RBM41: variants seen among roughly 807,000 people sequenced by gnomAD.
RBM41 encodes RNA-binding protein 41.
RBM41 carries 14 observed loss-of-function variants against 30.8 expected under a neutral mutation model. The ratio of observed to expected loss-of-function variants is 0.45; its 90% confidence interval spans 0.30 to 0.71. The LOEUF (loss-of-function observed/expected upper bound fraction) is 0.71, where lower values mean the gene tolerates loss of function less well. Among genes scored for constraint, RBM41 ranks in the 30% least tolerant of loss-of-function variants. The pLI, the probability that RBM41 is intolerant of heterozygous loss-of-function variation, is 0.08. For synonymous variants in RBM41, 120 were observed against 110.1 expected (o/e 1.09, Z -0.56); for missense variants, 276 against 326.3 (o/e 0.85, Z 1.19).
chrX:107,057,286 T>TA (rs935323671), downstream of RBM41, among the ~76,000 whole-genome samples: 16 of 111,495 alleles, frequency 1.4e-4, no homozygotes, highest in Admixed American at 9.6e-4. Context: ...GTTCTTTATT[T>TA]AAAAAAAATA....
intron 3 of RBM41, 100 bp from the exon 4 acceptor site, chrX:107,115,656 A>T: frequency 2.2e-6 from 2 of 899,782 alleles, no homozygotes; most frequent in Non-Finnish European, 3.1e-6. Context: ...CCCAGAAATG[A>T]ATGTTTACAG....
Position 107,065,673 on chromosome X carries a change from C to T in RBM41, c.*1854G>A. 1 of 1,043,737 alleles carries T rather than the reference C, an allele frequency of 9.6e-7. No individual in the cohort carries two copies. 86.0% of individuals were successfully genotyped at this position (1,043,737 alleles called of 1,213,427 possible). The stretch of plus-strand genomic sequence containing the variant: ...AAACTTATTTCCTATTTCACGTTCT[C>T]TCCATTTGTTCCTGTGGATTTGTCT... On this transcript the variant is annotated 3_prime_UTR_variant, in exon 8 of 8. Coordinates refer to ENST00000685964, the MANE Select transcript of RBM41 (RefSeq NM_001324242.2).
intron 5 of RBM41, among the ~76,000 whole-genome samples, chrX:107,098,110 G>A (rs1290379977): frequency 8.9e-6 from 1 of 111,847 alleles, no homozygotes; most frequent in African/African-American, 3.3e-5. Context: ...CACAAAAGGT[G>A]AGAAGAAATA....
At chrX:107,106,568 A>G (rs1199899157) in intron 5 of RBM41, among the ~76,000 whole-genome samples, 4 of 111,551 alleles carry the variant, frequency 3.6e-5, no homozygotes, top group Non-Finnish European at 7.5e-5. Context: ...ACACATGCAC[A>G]TGTATGTTTA....
intron 6 of RBM41, among the ~76,000 whole-genome samples, chrX:107,087,453 A>G (rs182244797): frequency 9.5e-4 from 106 of 112,024 alleles, no homozygotes; most frequent in African/African-American, 3.2e-3. Context: ...TAAATTAGAC[A>G]CAACAAAGTA....
chrX:107,114,401 C>T (rs1924729529), intron 4 of RBM41: 1 of 111,919 alleles, frequency 8.9e-6, no homozygotes, highest in African/African-American at 3.2e-5. Context: ...TAACTGATAA[C>T]TAACTCTGTA....
Position 107,065,175 on chromosome X carries a change from T to A in RBM41, c.*2352A>T, listed in dbSNP as rs907235880. ...TCTTCTAAAGTGTGTCTCAAATAGA[T>A]GGCATGAAGTGGAATCAGACTTGTT... is the stretch of plus-strand genomic sequence containing the variant. On this transcript the variant is annotated 3_prime_UTR_variant, in exon 8 of 8. Transcript: ENST00000685964. The A allele has an allele frequency of 1.8e-5, 2 of 111,543 alleles. No individual in the cohort carries two copies. Among genetic ancestry groups the A allele is most frequent in the African/African-American group, 6.5e-5 (2 of 30,712 alleles). The allele number at this position is 111,543 out of a possible 1,213,427, so 9.2% of individuals were successfully genotyped here. A position where few individuals can be genotyped will look rare whatever the true frequency, so the allele number is the denominator to read the frequency against.
At position 107,116,017 on chromosome X, in the gene RBM41, T is replaced by A. The variant is rs2147770553; in HGVS notation, c.163A>T (p.Met55Leu). Residue 55 changes from methionine (M) to leucine (L), a missense_variant, in exon 3 of 8, where the codon ATG (methionine) becomes TTG (leucine). Transcript: ENST00000685964. ...SKKESFAPGT[M>L]YKPFGKEAAG... ...GCTTCCTTCCCAAAGGGCTTGTACA[T>A]AGTACCAGGAGCAAAGCTCTCTTTC... 8.4e-7 allele frequency: 1 copy of A among 1,192,135 alleles called. No individual in the cohort carries two copies. Among genetic ancestry groups the A allele is most frequent in the Non-Finnish European group, 1.1e-6 (1 of 885,434 alleles).
At chrX:107,103,090 C>A (rs1208806916) in intron 5 of RBM41, among the ~76,000 whole-genome samples, 3 of 110,613 alleles carry the variant, frequency 2.7e-5, no homozygotes, top group Non-Finnish European at 5.7e-5. Flanking sequence ...GGGACTCAGA[C>A]TTGGTGCTGG....
chrX:107,069,021 G>GT, intron 7 of RBM41, among the ~76,000 whole-genome samples: 1 of 111,767 alleles, frequency 8.9e-6, no homozygotes, highest in African/African-American at 3.2e-5. Flanking sequence ...TTTTGGTAGG[G>GT]TAAGAAGGAA....
chrX:107,088,040 C>T (rs1025643494), intron 6 of RBM41, among the ~76,000 whole-genome samples: 13 of 112,161 alleles, frequency 1.2e-4, no homozygotes, highest in African/African-American at 2.6e-4. Flanking sequence ...ACCCAACTCA[C>T]GACCAGGCAG....
chrX:107,070,577 G>A (rs763656753), intron 6 of RBM41, among the ~76,000 whole-genome samples: 7 of 111,777 alleles, frequency 6.3e-5, no homozygotes, highest in Non-Finnish European at 1.1e-4. Flanking sequence ...TACTTATAAA[G>A]TTGGGCATGG....
rs922631469 is a variant in RBM41, at chrX:107,063,338, A to G, written c.*4189T>C. On this transcript the variant is annotated 3_prime_UTR_variant, in exon 8 of 8. Transcript: ENST00000685964. ...TAGTCTTTTGTGACTGGCTTCTTGC[A>G]CTGAGCATATTCTGAGTTCTTCCAT... Among the ~76,000 whole-genome samples, 5 of 112,031 alleles carry G rather than the reference A, an allele frequency of 4.5e-5. No homozygotes were observed. The highest frequency in any genetic ancestry group is 1.6e-4 in the African/African-American group (5 of 30,869).
chrX:107,063,623 T>C lies in RBM41; in HGVS notation c.*3904A>G, dbSNP rs779145515. 2.7e-5 allele frequency among the ~76,000 whole-genome samples: 3 copies of C among 112,143 alleles called. No homozygotes were observed. Among genetic ancestry groups the C allele is most frequent in the South Asian group, 3.7e-4 (1 of 2,690 alleles). ...ATTTGTCCACTTCATTGATAATTTA[T>C]TGACATAAAATTATTCATAATATGC... is the stretch of plus-strand genomic sequence containing the variant. On this transcript the variant is annotated 3_prime_UTR_variant, in exon 8 of 8. Transcript: ENST00000685964.
chrX:107,079,690 G>T (rs1475377458), intron 6 of RBM41, among the ~76,000 whole-genome samples: 1 of 111,591 alleles, frequency 9.0e-6, no homozygotes, highest in African/African-American at 3.3e-5. Context: ...TAGTTTAATG[G>T]TTTTTGACAA....
At chrX:107,085,488 G>A (rs1241269917) in intron 6 of RBM41, among the ~76,000 whole-genome samples, 2 of 110,438 alleles carry the variant, frequency 1.8e-5, no homozygotes, top group Non-Finnish European at 3.8e-5. Flanking sequence ...GGCTGGTCTC[G>A]AACTCCTGAC....
intron 5 of RBM41, among the ~76,000 whole-genome samples, chrX:107,094,663 GGAA>G (rs1350244198): frequency 9.0e-6 from 1 of 111,559 alleles, no homozygotes; most frequent in Non-Finnish European, 1.9e-5. Flanking sequence ...GGTTGAGATA[GGAA>G]GATGATTCTG....
chrX:107,059,347 G>A (rs184636127), downstream of RBM41, among the ~76,000 whole-genome samples: 1 of 110,109 alleles, frequency 9.1e-6, no homozygotes, highest in African/African-American at 3.3e-5. Flanking sequence ...GGGGTGGGGT[G>A]GGCGGAAGGG....
At chrX:107,075,944 G>A (rs977377044) in intron 6 of RBM41, among the ~76,000 whole-genome samples, 4 of 111,553 alleles carry the variant, frequency 3.6e-5, no homozygotes, top group East Asian at 2.8e-4. Flanking sequence ...TGTTCATCCC[G>A]GCAATACTCA....
Sources: gnomAD v4.1 joint callset for allele counts (sites outside exome capture counted in the v4.1 genomes callset) on GRCh38, gnomAD v4.1.1 for gene constraint, MANE v1.5 for transcripts, NCBI Gene and HGNC (gene_info 2026-07-23, HGNC 2026-07-21) for gene names.